Variants in ABI2 observed in about 807,000 individuals in gnomAD.
ABI2 encodes the protein abl interactor 2, also known as abelson interactor 2.
Under a neutral mutation model 59.2 loss-of-function variants are expected in ABI2, and 25 were observed. That is an observed-to-expected ratio of 0.42 (90% CI 0.31 to 0.59). The LOEUF (loss-of-function observed/expected upper bound fraction) is 0.59, where lower values mean the gene tolerates loss of function less well. ABI2 is among the 20% of genes least tolerant of loss of function. The probability of loss-of-function intolerance (pLI) is 0.14; values close to 1 mark genes in which losing one functional copy is unlikely to be tolerated. For synonymous variants in ABI2, 213 were observed against 235.5 expected, an observed-to-expected ratio of 0.90 and a Z score of 0.87; for missense variants, 545 against 681.8, an observed-to-expected ratio of 0.80 and a Z score of 2.23.
intron 1 of ABI2, among the ~76,000 whole-genome samples, chr2:203,355,594 C>A (rs1397855264): frequency 2.0e-5 from 3 of 151,920 alleles, no homozygotes; most frequent in Non-Finnish European, 2.9e-5. Context: ...CTTTGGGAGG[C>A]TGAGGTGGGC....
At chr2:203,353,865 A>G (rs2090398305) in intron 1 of ABI2, among the ~76,000 whole-genome samples, 1 of 152,128 alleles carries the variant, frequency 6.6e-6, no homozygotes. Flanking sequence ...TGATATGCCC[A>G]TATTGCTATT....
At chr2:203,389,189 T>C (rs532111899) in intron 4 of ABI2, among the ~76,000 whole-genome samples, 2 of 152,344 alleles carry the variant, frequency 1.3e-5, no homozygotes, top group African/African-American at 4.8e-5. Flanking sequence ...AAGATACAAG[T>C]AGTATACCCT....
intron 1 of ABI2, among the ~76,000 whole-genome samples, chr2:203,366,014 G>C (rs759601193): frequency 1.2e-4 from 18 of 151,812 alleles, no homozygotes; most frequent in South Asian, 8.3e-4. Flanking sequence ...TACTTTTTGT[G>C]TTTTTTTCCA....
At position 203,402,714 on chromosome 2, in the gene ABI2, CT is replaced by C; in HGVS notation, c.1177del (p.Tyr393IlefsTer18). 2.5e-6 allele frequency: 4 copies of C among 1,592,942 alleles called. No homozygotes were observed. Among genetic ancestry groups the C allele is most frequent in the Non-Finnish European group, 1.7e-6 (2 of 1,173,198 alleles). On this transcript the variant is annotated frameshift_variant, in exon 9 of 12. Coordinates refer to ENST00000261018, the MANE Select transcript of ABI2 (RefSeq NM_001375670.1). LOFTEE classifies it high-confidence loss of function. ...CTTCAGAATCAGATGAATGGAGGAC[CT>C]TTTTATAGCCAGAATCCAGGTTAGT... is the stretch of plus-strand genomic sequence containing the variant. The part of the protein sequence containing the change: ...TSLQNQMNGG[P>X]FYSQNPVSLA...
intron 11 of ABI2, among the ~76,000 whole-genome samples, chr2:203,421,495 T>C: frequency 6.6e-6 from 1 of 152,236 alleles, no homozygotes; most frequent in South Asian, 2.1e-4. Context: ...TCTTTTAATA[T>C]GAGCACCATT....
At chr2:203,389,502 C>A (rs1203310763) in intron 4 of ABI2, among the ~76,000 whole-genome samples, 2 of 152,112 alleles carry the variant, frequency 1.3e-5, no homozygotes, top group African/African-American at 4.8e-5. Flanking sequence ...GTTTTGATAG[C>A]CTCACTTCTC....
chr2:203,352,218 G>C (rs2089180583), intron 1 of ABI2, among the ~76,000 whole-genome samples: 1 of 152,134 alleles, frequency 6.6e-6, no homozygotes, highest in South Asian at 2.1e-4. Flanking sequence ...CCAGCTTTTT[G>C]GGAGCCCGAG....
intron 1 of ABI2, among the ~76,000 whole-genome samples, chr2:203,359,026 CAAAAG>C (rs778192393): frequency 2.6e-5 from 4 of 151,988 alleles, no homozygotes; most frequent in African/African-American, 7.2e-5. Flanking sequence ...AAACAAAAAA[CAAAAG>C]AAAAATCCAT....
chr2:203,353,431 A>G (rs1055533840), intron 1 of ABI2, among the ~76,000 whole-genome samples: 4 of 152,206 alleles, frequency 2.6e-5, no homozygotes, highest in African/African-American at 4.8e-5. Context: ...CAAAAAAATG[A>G]GTACCCCTTT....
intron 1 of ABI2, among the ~76,000 whole-genome samples, chr2:203,361,073 A>G (rs1188413420): frequency 1.3e-5 from 2 of 152,180 alleles, no homozygotes; most frequent in African/African-American, 4.8e-5. Flanking sequence ...GTTCTCTTGA[A>G]AGGAGATCTG....
chr2:203,350,995 T>C (rs2087897798), intron 1 of ABI2, among the ~76,000 whole-genome samples: 1 of 152,180 alleles, frequency 6.6e-6, no homozygotes, highest in South Asian at 2.1e-4. Context: ...CTCTTACATT[T>C]AGATCTTTGA....
chr2:203,374,748 TAAAA>T (rs549399528), intron 2 of ABI2: 2 of 422,948 alleles, frequency 4.7e-6, no homozygotes, highest in African/African-American at 2.0e-5. Context: ...AGCTTACTAA[TAAAA>T]AAAATTGAGA....
intron 1 of ABI2, among the ~76,000 whole-genome samples, chr2:203,363,433 C>A (rs2093829856): frequency 6.6e-6 from 1 of 152,054 alleles, no homozygotes; most frequent in African/African-American, 2.4e-5. Flanking sequence ...ACCATTCTCA[C>A]TTACCCCTAC....
At chr2:203,342,088 T>G in intron 1 of ABI2, 1 of 384,976 alleles carries the variant, frequency 2.6e-6, no homozygotes, top group Non-Finnish European at 5.1e-6. Flanking sequence ...TTGCCTGTTA[T>G]GTCCTCATTT....
chr2:203,360,988 GAGGA>G (rs2093415961), intron 1 of ABI2, among the ~76,000 whole-genome samples: 1 of 152,202 alleles, frequency 6.6e-6, no homozygotes, highest in African/African-American at 2.4e-5. Context: ...ATACATTACT[GAGGA>G]GAAGCGTGGC....
chr2:203,328,537 T>C lies in ABI2; in HGVS notation c.23T>C (p.Leu8Pro). The change falls in exon 1 of 12, where the codon CTG (leucine) becomes CCG (proline). Residue 8 changes from leucine (L) to proline (P), a missense_variant. Coordinates refer to ENST00000261018, the MANE Select transcript of ABI2 (RefSeq NM_001375670.1). Reference protein sequence around the residue: MAELQMLLEEEIPGGRRA... With the variant: MAELQMLPEEEIPGGRRA... ...AAGATGGCGGAGCTGCAGATGCTGC[T>C]GGAAGAGGAAATCCCGGGGGGCCGC... The C allele has an allele frequency of 6.2e-7, 1 of 1,605,026 alleles. No homozygotes were observed. The highest frequency in any genetic ancestry group is 8.5e-7 in the Non-Finnish European group (1 of 1,176,164).
chr2:203,383,667 A>G (rs1010661485), intron 4 of ABI2, among the ~76,000 whole-genome samples: 1 of 152,168 alleles, frequency 6.6e-6, no homozygotes, highest in Non-Finnish European at 1.5e-5. Context: ...AGAGTCTCCT[A>G]GAAAGATCTA....
At chr2:203,392,316 A>ACC (rs1559313260) in intron 5 of ABI2, among the ~76,000 whole-genome samples, 10,679 of 113,548 alleles carry the variant, frequency 0.094, 479 homozygotes, top group East Asian at 0.16. Flanking sequence ...CACCACCACC[A>ACC]ACAACAACAA....
intron 3 of ABI2, among the ~76,000 whole-genome samples, chr2:203,381,139 A>T (rs1366421991): frequency 2.0e-5 from 3 of 152,206 alleles, no homozygotes; most frequent in Middle Eastern, 3.2e-3. Flanking sequence ...TACTTAAAAA[A>T]CACTGTTATG....
Sources: allele counts gnomAD v4.1 joint callset (sites outside exome capture counted in the v4.1 genomes callset), GRCh38; gene constraint gnomAD v4.1.1; transcripts MANE v1.5; gene names NCBI Gene and HGNC (gene_info 2026-07-23, HGNC 2026-07-21).